ARID1A: variants seen among roughly 807,000 people sequenced by gnomAD.
The protein encoded by ARID1A is AT-rich interaction domain 1A, also known as AT-rich interactive domain-containing protein 1A.
ARID1A carries 20 observed loss-of-function variants against 212.6 expected under a neutral mutation model. The observed-to-expected ratio is 0.09, with a 90% CI of 0.07 to 0.14. ARID1A has a LOEUF of 0.14. Among genes scored for constraint, ARID1A ranks in the 10% least tolerant of loss-of-function variants. ARID1A has a pLI of 1.00. For missense variants in ARID1A, 2,587 were observed against 3,059.0 expected, an observed-to-expected ratio of 0.85 and a Z score of 3.64; for synonymous variants, 1,376 against 1,222.1, an observed-to-expected ratio of 1.13 and a Z score of -2.63.
Position 26,696,786 on chromosome 1 carries a change from G to A in ARID1A, c.383G>A (p.Ser128Asn), listed in dbSNP as rs1472194767. The stretch of plus-strand genomic sequence containing the variant: ...CCGCCCGGCGGCGGCGGTGGCGGCA[G>A]CAGCGATGGGGTGGGGGCGCCTCCT... Reference protein sequence around the residue: ...TEPPGGGGGGSSDGVGAPPHS... With the variant: ...TEPPGGGGGGNSDGVGAPPHS... Residue 128 changes from serine to asparagine, a missense_variant, in exon 1 of 20, where the codon AGC (serine) becomes AAC (asparagine). By Grantham distance (46) the Ser-to-Asn change is conservative. Around this residue, in one of 11 missense-constraint regions of ARID1A, gnomAD observed 735 missense variants for 590.6 expected, o/e 1.24. Coordinates refer to ENST00000324856, the MANE Select transcript of ARID1A (RefSeq NM_006015.6). 2 of 1,338,132 alleles carry A rather than the reference G, an allele frequency of 1.5e-6. No individual in the cohort carries two copies. The highest frequency in any genetic ancestry group is 2.1e-5 in the South Asian group (1 of 47,838). The allele number at this position is 1,338,132 out of a possible 1,614,324, so 82.9% of individuals were successfully genotyped here.
rs1020700564 is a variant in ARID1A at position 26,696,970 on chromosome 1, C to T, written c.567C>T (p.Gly189=). Residue 189 remains glycine, a synonymous_variant, in exon 1 of 20, where the codon GGC becomes GGT. Transcript: ENST00000324856. The stretch of plus-strand genomic sequence containing the variant: ...TGGCAGCGCTGCAGAGCGGCGGCGG[C>T]GGGGGCCTGGAGCCCTACGCGGGGC... ...PGLAALQSGG[G]GGLEPYAGPQ... The T allele has an allele frequency of 1.4e-6, 2 of 1,479,788 alleles. No homozygotes were observed. The highest frequency in any genetic ancestry group is 1.8e-6 in the Non-Finnish European group (2 of 1,120,494). 91.7% of individuals were successfully genotyped at this position (1,479,788 alleles called of 1,614,324 possible). A position where few individuals can be genotyped will look rare whatever the true frequency, so the allele number is the denominator to read the frequency against.
At chr1:26,730,345 C>A (rs1474723020) in intron 2 of ARID1A, among the ~76,000 whole-genome samples, 2 of 152,174 alleles carry the variant, frequency 1.3e-5, no homozygotes, top group African/African-American at 4.8e-5. Flanking sequence ...AGCATTGATA[C>A]AAATGTTAAG....
At position 26,696,934 on chromosome 1, in the gene ARID1A, A is replaced by T. The variant is rs2124742321; in HGVS notation, c.531A>T (p.Gln177His). 1 of 1,437,324 alleles carries T rather than the reference A, an allele frequency of 7.0e-7. No homozygotes were observed. Among genetic ancestry groups the T allele is most frequent in the South Asian group, 1.5e-5 (1 of 65,016 alleles). 89.0% of individuals were successfully genotyped at this position (1,437,324 alleles called of 1,614,324 possible). ...TCCACCAACAACATGGCGGACAACA[A>T]AGCCCTGGCCTGGCAGCGCTGCAGA... ...AVFHQQHGGQ[Q>H]SPGLAALQSG... Residue 177 changes from glutamine to histidine, a missense_variant, in exon 1 of 20, where the codon CAA (glutamine) becomes CAT (histidine). By Grantham distance (24) the Gln-to-His change is conservative. Transcript: ENST00000324856.
At chr1:26,736,159 C>A (rs1032954154) in intron 4 of ARID1A, among the ~76,000 whole-genome samples, 1 of 150,888 alleles carries the variant, frequency 6.6e-6, no homozygotes, top group Non-Finnish European at 1.5e-5. Context: ...CCCGTCTCTA[C>A]TAAAAATATA....
chr1:26,771,558 A>G lies in ARID1A; in HGVS notation c.3406+232A>G, dbSNP rs1055416965. 13 of 559,714 alleles carry G rather than the reference A, an allele frequency of 2.3e-5. No homozygotes were observed. Among genetic ancestry groups the G allele is most frequent in the South Asian group, 1.4e-4 (6 of 44,428 alleles). The allele number at this position is 559,714 out of a possible 1,614,324, so 34.7% of individuals were successfully genotyped here. On this transcript the variant is annotated intron_variant, in intron 12 of 19. Coordinates refer to ENST00000324856, the MANE Select transcript of ARID1A (RefSeq NM_006015.6). The surrounding 1 kb of genome is among the most constrained non-coding windows in gnomAD (Gnocchi z 5.4). ...TTTAATTTTTGTTGTGCAGCTGACA[A>G]CTTGCCAAATGTTTGTAAACTGGTG... is the stretch of plus-strand genomic sequence containing the variant.
intron 4 of ARID1A, among the ~76,000 whole-genome samples, chr1:26,740,326 A>G (rs891899290): frequency 2.0e-5 from 3 of 152,242 alleles, no homozygotes; most frequent in Admixed American, 6.5e-5. Flanking sequence ...AATAGACATA[A>G]AACAGAAGAC....
intron 1 of ARID1A, among the ~76,000 whole-genome samples, chr1:26,717,165 G>T (rs1229646796): frequency 1.3e-5 from 2 of 152,196 alleles, no homozygotes; most frequent in Non-Finnish European, 2.9e-5. Flanking sequence ...CTGAAAGTAG[G>T]TGGTGCTTGA....
In ARID1A at chr1:26,780,911, T is replaced by G; in HGVS notation, c.*155T>G. The G allele has an allele frequency of 9.2e-7, 1 of 1,085,838 alleles. No homozygotes were observed. Among genetic ancestry groups the G allele is most frequent in the Non-Finnish European group, 1.3e-6 (1 of 781,488 alleles). The allele number at this position is 1,085,838 out of a possible 1,614,324, so 67.3% of individuals were successfully genotyped here. A position where few individuals can be genotyped will look rare whatever the true frequency, so the allele number is the denominator to read the frequency against. On this transcript the variant is annotated 3_prime_UTR_variant, in exon 20 of 20. Coordinates refer to ENST00000324856, the MANE Select transcript of ARID1A (RefSeq NM_006015.6). The surrounding 1 kb of genome is among the most constrained non-coding windows in gnomAD (Gnocchi z 7.2). ...TGGGAAAAAGTCTCTCCTGTTTCTC[T>G]CTCCTCCTTCCACCTCCCCTCCCTC...
chr1:26,758,585 C>G (rs2080962133), intron 4 of ARID1A, among the ~76,000 whole-genome samples: 1 of 150,518 alleles, frequency 6.6e-6, no homozygotes, highest in Admixed American at 6.6e-5. Flanking sequence ...TGCCAATGTA[C>G]TGCAGCCTGG....
At position 26,773,252 on chromosome 1, in the gene ARID1A, C is replaced by A. The variant is rs142244164; in HGVS notation, c.3716-94C>A. On this transcript the variant is annotated intron_variant, in intron 14 of 19. Transcript: ENST00000324856. ...GAACTTGTCTGGAAAACAATGAGAT[C>A]AAACCTGAACTCTGAAGAGGGCCTG... 313 of 1,470,480 alleles carry A rather than the reference C, an allele frequency of 2.1e-4. 2 individuals carry two copies. The African/African-American group carries it at 4.2e-3, about 20-fold the overall frequency. The allele number at this position is 1,470,480 out of a possible 1,614,324, so 91.1% of individuals were successfully genotyped here.
intron 1 of ARID1A, among the ~76,000 whole-genome samples, chr1:26,727,452 A>G (rs1031705209): frequency 1.3e-5 from 2 of 152,210 alleles, no homozygotes; most frequent in Non-Finnish European, 2.9e-5. Flanking sequence ...TCATATTTCA[A>G]GTGTTGAATA....
chr1:26,696,506 G>T lies in ARID1A; in HGVS notation c.103G>T (p.Ala35Ser). ...KKAEQQQREE[A>S]GGEAAAAAAA... The stretch of plus-strand genomic sequence containing the variant: ...AGCCGAGCAGCAGCAGCGGGAGGAG[G>T]CGGGGGGCGAGGCGGCGGCGGCGGC... Residue 35 changes from alanine (A) to serine (S), a missense_variant, in exon 1 of 20, where the codon GCG becomes TCG. By Grantham distance (99) the Ala-to-Ser change is moderately conservative. This residue lies in a region of ARID1A where 735 missense variants were observed against 590.6 expected (regional missense o/e 1.24). Coordinates refer to ENST00000324856, the MANE Select transcript of ARID1A (RefSeq NM_006015.6). 1.6e-6 allele frequency: 2 copies of T among 1,231,118 alleles called. No homozygotes were observed. Among genetic ancestry groups the T allele is most frequent in the Non-Finnish European group, 2.0e-6 (2 of 989,124 alleles). 76.3% of individuals were successfully genotyped at this position (1,231,118 alleles called of 1,614,324 possible).
chr1:26,745,206 G>T (rs1410145808), intron 4 of ARID1A, among the ~76,000 whole-genome samples: 1 of 152,160 alleles, frequency 6.6e-6, no homozygotes, highest in Non-Finnish European at 1.5e-5. Flanking sequence ...CCTACCAGGG[G>T]AACGTCTATC....
At position 26,761,394 on chromosome 1, in the gene ARID1A, G is replaced by A. The variant is rs2080990682; in HGVS notation, c.2172G>A (p.Met724Ile). 1 of 1,614,082 alleles carries A rather than the reference G, an allele frequency of 6.2e-7. No homozygotes were observed. The highest frequency in any genetic ancestry group is 1.3e-5 in the African/African-American group (1 of 74,942). ...LSPAAVPGNQ[M>I]PPRPPSGQSD... ...CTTTGTCTGGAGCAGGCAACCAGATGCCACCTCGGCCACCCAGTGGCCAGT... is the reference window on the plus strand; with the variant it reads ...CTTTGTCTGGAGCAGGCAACCAGATACCACCTCGGCCACCCAGTGGCCAGT... The change falls in exon 6 of 20, where the codon ATG (methionine) becomes ATA (isoleucine). Residue 724 changes from methionine to isoleucine, a missense_variant. Transcript: ENST00000324856.
intron 4 of ARID1A, among the ~76,000 whole-genome samples, chr1:26,739,736 T>C (rs1287689336): frequency 6.6e-6 from 1 of 152,152 alleles, no homozygotes; most frequent in Non-Finnish European, 1.5e-5. Context: ...GCTCCTCTGC[T>C]CTATGGTGCT....
chr1:26,721,349 C>G (rs1209618254), intron 1 of ARID1A, among the ~76,000 whole-genome samples: 1 of 152,080 alleles, frequency 6.6e-6, no homozygotes, highest in Non-Finnish European at 1.5e-5. Context: ...GTAGCTGGGA[C>G]TACAGGCGCG....
In ARID1A at chr1:26,779,796, A is replaced by G; in HGVS notation, c.5898A>G (p.Pro1966=). ...EDEPHSKDET[P]LCTLLDWQDS... The stretch of plus-strand genomic sequence containing the variant: ...AACCCCACAGTAAGGATGAGACCCC[A>G]CTGTGTACCCTTCTGGACTGGCAGG... Residue 1966 remains proline (P), a synonymous_variant, in exon 20 of 20, where the codon CCA becomes CCG. Transcript: ENST00000324856. 6.2e-7 allele frequency: 1 copy of G among 1,614,134 alleles called. No homozygotes were observed. The highest frequency in any genetic ancestry group is 8.5e-7 in the Non-Finnish European group (1 of 1,180,028).
At chr1:26,778,691 G>T (rs1176236072) in intron 19 of ARID1A, 1 of 211,170 alleles carries the variant, frequency 4.7e-6, no homozygotes, top group Non-Finnish European at 9.4e-6. Context: ...TGACCACCAG[G>T]TTGAAAACTG....
rs964131064 is a variant in ARID1A, at chr1:26,771,088, A to G, written c.3199-31A>G. ...TGGGCAGGAAAACCAGGCGGGAGAT[A>G]TACCTCGACTCCTTTGGTTTGGTTA... On this transcript the variant is annotated intron_variant, in intron 11 of 19. Transcript: ENST00000324856. The surrounding 1 kb of genome is among the most constrained non-coding windows in gnomAD (Gnocchi z 5.4). 1.9e-6 allele frequency: 3 copies of G among 1,608,962 alleles called. No homozygotes were observed. Among genetic ancestry groups the G allele is most frequent in the Non-Finnish European group, 2.6e-6 (3 of 1,175,444 alleles).
Sources: gnomAD v4.1 joint callset for allele counts (sites outside exome capture counted in the v4.1 genomes callset) on GRCh38, gnomAD v4.1.1 for gene constraint, gnomAD v4.1.1 regional missense constraint, Gnocchi (gnomAD v3.1) non-coding constraint, MANE v1.5 for transcripts, NCBI Gene and HGNC (gene_info 2026-07-23, HGNC 2026-07-21) for gene names.